CSF1R: variants seen among roughly 807,000 people sequenced by gnomAD.
CSF1R encodes colony stimulating factor 1 receptor, also known as macrophage colony-stimulating factor 1 receptor.
A neutral mutation model predicts 110.0 loss-of-function variants in CSF1R; 40 were observed. The observed-to-expected ratio is 0.36, with a 90% confidence interval of 0.28 to 0.47. The LOEUF is 0.47. Ranked by LOEUF, CSF1R falls within the 20% of genes least tolerant of loss-of-function variation. CSF1R has a pLI of 0.99. For missense variants in CSF1R, 1,052 were observed against 1,253.0 expected, an observed-to-expected ratio of 0.84 and a Z score of 2.42; for synonymous variants, 523 against 503.4, an observed-to-expected ratio of 1.04 and a Z score of -0.52.
chr5:150,059,547 A>T (rs996871200), intron 14 of CSF1R, among the ~76,000 whole-genome samples, 153 bp downstream of exon 14: 1 of 152,180 alleles, frequency 6.6e-6, no homozygotes, highest in African/African-American at 2.4e-5. Context: ...ATGGCCATAA[A>T]ACCTGTGGTG....
intron 5 of CSF1R, among the ~76,000 whole-genome samples, chr5:150,074,744 A>G (rs79167776): frequency 0.011 from 1,619 of 152,218 alleles, 37 homozygotes; most frequent in African/African-American, 0.037. Context: ...AAAGCCCTCT[A>G]TGGAGTCCCA....
intron 11 of CSF1R, 41 bp downstream of exon 11, chr5:150,061,682 C>T (rs756471325): frequency 1.2e-6 from 2 of 1,614,172 alleles, no homozygotes; most frequent in South Asian, 2.2e-5. Flanking sequence ...CCCCACAGGC[C>T]CTGTGATAGG....
intron 12 of CSF1R, 52 bp from the exon 13 acceptor site, chr5:150,061,024 C>A (rs1005041920): frequency 4.2e-5 from 55 of 1,308,540 alleles, no homozygotes; most frequent in Non-Finnish European, 5.4e-5. Flanking sequence ...GGACAGAGAG[C>A]ACCACACAGA....
chr5:150,060,639 C>T (rs942309994), intron 13 of CSF1R, among the ~76,000 whole-genome samples: 1 of 152,150 alleles, frequency 6.6e-6, no homozygotes, highest in African/African-American at 2.4e-5. Flanking sequence ...CCAAGGGCTC[C>T]GATGCTCCCT....
chr5:150,093,875 C>G (rs1221393693), intron 1 of CSF1R, among the ~76,000 whole-genome samples: 1 of 152,104 alleles, frequency 6.6e-6, no homozygotes, highest in African/African-American at 2.4e-5. Flanking sequence ...ACTAGCCTGA[C>G]CAACATGGCA....
At chr5:150,112,744 C>T (rs1197085590) in intron 1 of CSF1R, among the ~76,000 whole-genome samples, 1 of 152,142 alleles carries the variant, frequency 6.6e-6, no homozygotes, top group East Asian at 1.9e-4. Flanking sequence ...GGGTATTTTC[C>T]CTGGTGTGGC....
At chr5:150,083,754 A>G (rs1363241052) in intron 1 of CSF1R, among the ~76,000 whole-genome samples, 1 of 152,198 alleles carries the variant, frequency 6.6e-6, no homozygotes, top group Non-Finnish European at 1.5e-5. Flanking sequence ...TCCTAAGCAG[A>G]TAGCGACAGA....
At chr5:150,091,940 T>C (rs151321503) in intron 1 of CSF1R, among the ~76,000 whole-genome samples, 1 of 149,668 alleles carries the variant, frequency 6.7e-6, no homozygotes, top group East Asian at 2.0e-4. Context: ...TGGATATACA[T>C]TAAAAAATAA....
chr5:150,070,427 C>T (rs758125799), intron 7 of CSF1R, 29 bp downstream of exon 7: 5 of 1,556,150 alleles, frequency 3.2e-6, no homozygotes. Flanking sequence ...GGGCCTCCGC[C>T]CCAGGTGGCG....
intron 1 of CSF1R, among the ~76,000 whole-genome samples, chr5:150,085,948 T>A (rs566660944): frequency 6.6e-6 from 1 of 152,162 alleles, no homozygotes; most frequent in African/African-American, 2.4e-5. Context: ...ATACAGAATC[T>A]CAGGTCGCAC....
upstream of CSF1R, among the ~76,000 whole-genome samples, chr5:150,089,004 C>T (rs1758953126): frequency 6.6e-6 from 1 of 152,086 alleles, no homozygotes; most frequent in Non-Finnish European, 1.5e-5. Flanking sequence ...AACTGTAAAA[C>T]CCAACATGCT....
chr5:150,063,711 G>A (rs1757634990), intron 10 of CSF1R, among the ~76,000 whole-genome samples: 1 of 152,214 alleles, frequency 6.6e-6, no homozygotes, highest in South Asian at 2.1e-4. Flanking sequence ...TGCTGAGGGG[G>A]AGTACCATGC....
intron 1 of CSF1R, among the ~76,000 whole-genome samples, chr5:150,093,534 G>A (rs1354586142): frequency 6.6e-6 from 1 of 152,064 alleles, no homozygotes; most frequent in Non-Finnish European, 1.5e-5. Flanking sequence ...GCCAATAGTG[G>A]AAATGAAATG....
chr5:150,092,630 G>T (rs114995072), intron 1 of CSF1R, among the ~76,000 whole-genome samples: 3,406 of 152,252 alleles, frequency 0.022, 48 homozygotes, highest in South Asian at 0.058. Context: ...AAGAGTATAT[G>T]CAGGGGAACT....
intron 1 of CSF1R, among the ~76,000 whole-genome samples, chr5:150,082,310 C>T (rs1169742602): frequency 1.3e-5 from 2 of 152,214 alleles, no homozygotes; most frequent in African/African-American, 4.8e-5. Context: ...AATGGAAATT[C>T]CCCCTGCCCC....
intron 1 of CSF1R, among the ~76,000 whole-genome samples, chr5:150,093,898 T>C (rs905883434): frequency 6.6e-6 from 1 of 152,108 alleles, no homozygotes; most frequent in Non-Finnish European, 1.5e-5. Context: ...ACCCTGTCTT[T>C]ACTAAAAGTA....
upstream of CSF1R, among the ~76,000 whole-genome samples, chr5:150,086,863 AG>A (rs1371233902): frequency 6.6e-6 from 1 of 152,196 alleles, no homozygotes; most frequent in Non-Finnish European, 1.5e-5. Flanking sequence ...CAGATCCCAA[AG>A]AGAAGTTAGG....
chr5:150,101,006 G>T (rs953752996), intron 1 of CSF1R, among the ~76,000 whole-genome samples: 1 of 151,818 alleles, frequency 6.6e-6, no homozygotes, highest in South Asian at 2.1e-4. Flanking sequence ...CGCATGAATG[G>T]TCCCAATTCT....
intron 1 of CSF1R, among the ~76,000 whole-genome samples, chr5:150,099,211 A>T (rs1233862480): frequency 6.6e-6 from 1 of 151,968 alleles, no homozygotes; most frequent in African/African-American, 2.4e-5. Context: ...CCTGGCCACG[A>T]ACAACTATTA....
Sources: allele counts gnomAD v4.1 joint callset (sites outside exome capture counted in the v4.1 genomes callset), GRCh38; gene constraint gnomAD v4.1.1; transcripts MANE v1.5; gene names NCBI Gene and HGNC (gene_info 2026-07-23, HGNC 2026-07-21).